The following TENM1 variants were observed in gnomAD, a reference collection of about 807,000 sequenced individuals.
The protein encoded by TENM1 is teneurin transmembrane protein 1, also known as teneurin-1.
Under a neutral mutation model 174.8 loss-of-function variants are expected in TENM1, and 35 were observed. That is an observed-to-expected ratio of 0.20 (90% CI 0.15 to 0.27). TENM1 has a LOEUF of 0.27. Ranked by LOEUF, TENM1 falls within the 10% of genes least tolerant of loss-of-function variation. The pLI, the probability that TENM1 is intolerant of heterozygous loss-of-function variation, is 1.00. For missense variants in TENM1, 1,633 were observed against 2,130.1 expected (o/e 0.77, Z 4.59); for synonymous variants, 781 against 798.7 (o/e 0.98, Z 0.37).
intron 3 of TENM1, among the ~76,000 whole-genome samples, chrX:124,869,062 CAAAAAAAAA>C (rs146594515): frequency 1.9e-5 from 1 of 52,804 alleles, no homozygotes; most frequent in Non-Finnish European, 3.7e-5. Context: ...CCGTCTCTAC[CAAAAAAAAA>C]AAAAAAAAAA....
chrX:124,821,455 T>C (rs938854053), intron 3 of TENM1, among the ~76,000 whole-genome samples: 3 of 112,248 alleles, frequency 2.7e-5, no homozygotes, highest in Non-Finnish European at 5.6e-5. Context: ...ACTCTTCCCA[T>C]GATATTATTA....
intron 1 of TENM1, among the ~76,000 whole-genome samples, chrX:124,933,687 C>A (rs1246586949): frequency 1.8e-5 from 2 of 112,002 alleles, no homozygotes; most frequent in Non-Finnish European, 3.8e-5. Context: ...GCTTAAGCTT[C>A]TTAAAATAAG....
At chrX:124,428,142 G>A (rs1439046726) in intron 23 of TENM1, among the ~76,000 whole-genome samples, 2 of 112,070 alleles carry the variant, frequency 1.8e-5, no homozygotes, top group East Asian at 5.6e-4. Context: ...GTAGCCGCCA[G>A]CTGGTGGAAT....
chrX:124,967,842 A>C (rs1458099146), upstream of TENM1, among the ~76,000 whole-genome samples: 2 of 111,559 alleles, frequency 1.8e-5, no homozygotes, highest in Admixed American at 9.6e-5. Context: ...TTCCTGCTCC[A>C]ACCCATCCTC....
At chrX:124,390,162 G>A (rs1242421787) in intron 28 of TENM1, among the ~76,000 whole-genome samples, 1 of 112,058 alleles carries the variant, frequency 8.9e-6, no homozygotes, top group Non-Finnish European at 1.9e-5. Context: ...AACTTGTGAA[G>A]TTTGCTTCAC....
chrX:124,516,581 G>T (rs1320136091), intron 18 of TENM1, among the ~76,000 whole-genome samples: 3 of 111,912 alleles, frequency 2.7e-5, no homozygotes. Context: ...CATATATGTG[G>T]CCAATAGCAT....
chrX:124,820,418 T>C (rs1001369193), intron 3 of TENM1, among the ~76,000 whole-genome samples: 1 of 111,635 alleles, frequency 9.0e-6, no homozygotes, highest in Non-Finnish European at 1.9e-5. Flanking sequence ...GAAAATAGCA[T>C]CCAATTTAGA....
intron 16 of TENM1, among the ~76,000 whole-genome samples, chrX:124,528,369 A>G: frequency 8.9e-6 from 1 of 111,849 alleles, no homozygotes; most frequent in Non-Finnish European, 1.9e-5. Flanking sequence ...TTGTGTGAAT[A>G]TCAAATAATT....
the TENM1 span, among the ~76,000 whole-genome samples, chrX:125,062,839 CCCCTTT>C: frequency 8.9e-6 from 1 of 111,973 alleles, no homozygotes; most frequent in African/African-American, 3.3e-5. Flanking sequence ...TAACTTCAGT[CCCCTTT>C]TGAGCAGGCT....
chrX:124,668,257 T>C (rs1332696217), intron 6 of TENM1, among the ~76,000 whole-genome samples: 2 of 111,751 alleles, frequency 1.8e-5, no homozygotes, highest in Non-Finnish European at 3.8e-5. Flanking sequence ...GGTGGGACTG[T>C]AAACTAGTTC....
At chrX:124,605,297 G>A (rs1389174042) in intron 11 of TENM1, among the ~76,000 whole-genome samples, 1 of 104,523 alleles carries the variant, frequency 9.6e-6, no homozygotes, top group African/African-American at 3.5e-5. Context: ...GTATAAGAAC[G>A]GTTTCATCCT....
At chrX:125,093,388 T>A in the TENM1 span, among the ~76,000 whole-genome samples, 1 of 111,831 alleles carries the variant, frequency 8.9e-6, no homozygotes, top group Non-Finnish European at 1.9e-5. Flanking sequence ...TGAATTCACA[T>A]AAATGTAAAG....
chrX:125,200,371 C>T, the TENM1 span, among the ~76,000 whole-genome samples: 1 of 110,936 alleles, frequency 9.0e-6, no homozygotes, highest in Non-Finnish European at 1.9e-5. Flanking sequence ...AGCAGTTACA[C>T]TTCCAGTCGT....
the TENM1 span, among the ~76,000 whole-genome samples, chrX:125,179,654 C>T: frequency 1.1e-4 from 12 of 110,618 alleles, no homozygotes; most frequent in Admixed American, 2.9e-4. Context: ...ATCTCAAATC[C>T]CATGGTTCTC....
At chrX:124,683,989 T>C (rs752071233) in intron 5 of TENM1, among the ~76,000 whole-genome samples, 7 of 112,419 alleles carry the variant, frequency 6.2e-5, no homozygotes, top group Non-Finnish European at 9.4e-5. Flanking sequence ...TGTTAAAATA[T>C]GCAGTTTATG....
At chrX:124,945,902 G>A (rs1326721155) in intron 1 of TENM1, among the ~76,000 whole-genome samples, 3 of 112,177 alleles carry the variant, frequency 2.7e-5, no homozygotes, top group Non-Finnish European at 5.6e-5. Flanking sequence ...ACAGCTGAGA[G>A]CAGCTGAAGC....
intron 25 of TENM1, among the ~76,000 whole-genome samples, chrX:124,414,445 T>C (rs901879610): frequency 9.0e-6 from 1 of 110,858 alleles, no homozygotes; most frequent in Admixed American, 9.6e-5. Flanking sequence ...CTCCCTCAGA[T>C]CTCAGCTGCT....
intron 3 of TENM1, among the ~76,000 whole-genome samples, chrX:124,870,980 TC>T (rs1385140586): frequency 8.9e-6 from 1 of 111,867 alleles, no homozygotes; most frequent in Non-Finnish European, 1.9e-5. Flanking sequence ...CAAATCTTTA[TC>T]TTTTTTTTGT....
rs767533558 is a variant in TENM1 at position 124,526,897 on chromosome X, A to C, written c.2771+2967T>G. The stretch of plus-strand genomic sequence containing the variant: ...TAATACTTCTCAAGAAACTTCTAAG[A>C]ATGTCGTCACTTCACCTGTTTTGCT... On this transcript the variant is annotated intron_variant, in intron 16 of 31. Transcript: ENST00000422452. 3.6e-5 allele frequency among the ~76,000 whole-genome samples: 4 copies of C among 112,200 alleles called. No individual in the cohort carries two copies. The East Asian group carries it at 1.1e-3, about 31-fold the overall frequency.
Sources: allele counts gnomAD v4.1 joint callset (sites outside exome capture counted in the v4.1 genomes callset), GRCh38; gene constraint gnomAD v4.1.1; transcripts MANE v1.5; gene names NCBI Gene and HGNC (gene_info 2026-07-23, HGNC 2026-07-21).